MGAT4C: variants seen among roughly 807,000 people sequenced by gnomAD.
MGAT4C encodes alpha-1,3-mannosyl-glycoprotein 4-beta-N-acetylglucosaminyltransferase C.
MGAT4C carries 19 observed loss-of-function variants against 40.1 expected under a neutral mutation model. That is an observed-to-expected ratio of 0.47 (90% CI 0.33 to 0.70). The LOEUF (loss-of-function observed/expected upper bound fraction) is 0.70, where lower values mean the gene tolerates loss of function less well. Ranked by LOEUF, MGAT4C falls within the 30% of genes least tolerant of loss-of-function variation. The pLI, the probability that MGAT4C is intolerant of heterozygous loss-of-function variation, is 0.02. For missense variants in MGAT4C, 491 were observed against 563.2 expected (o/e 0.87, Z 1.30); for synonymous variants, 181 against 187.1 (o/e 0.97, Z 0.27).
At chr12:86,021,488 A>G (rs1889723349) in intron 2 of MGAT4C, among the ~76,000 whole-genome samples, 1 of 150,784 alleles carries the variant, frequency 6.6e-6, no homozygotes, top group South Asian at 2.1e-4. Flanking sequence ...TATTGCAAGG[A>G]CAAAAAACCA....
chr12:86,066,199 G>T (rs1894526479), intron 1 of MGAT4C, among the ~76,000 whole-genome samples: 1 of 152,062 alleles, frequency 6.6e-6, no homozygotes, highest in Admixed American at 6.6e-5. Context: ...CACAGAATCA[G>T]ACAAAACTAC....
intron 2 of MGAT4C, among the ~76,000 whole-genome samples, chr12:86,468,963 G>C (rs1245144105): frequency 6.6e-6 from 1 of 151,874 alleles, no homozygotes; most frequent in Non-Finnish European, 1.5e-5. Context: ...GCTTATCTTT[G>C]TTTTCATAAC....
In MGAT4C at chr12:85,971,711, G is replaced by T. The variant is rs1031325115; in HGVS notation, c.*7578C>A. 2 of 151,076 alleles carry T rather than the reference G, an allele frequency of 1.3e-5. No individual in the cohort carries two copies. Among genetic ancestry groups the T allele is most frequent in the African/African-American group, 4.8e-5 (2 of 41,314 alleles). The allele number at this position is 151,076 out of a possible 1,614,324, so 9.4% of individuals were successfully genotyped here. A position where few individuals can be genotyped will look rare whatever the true frequency, so the allele number is the denominator to read the frequency against. The stretch of plus-strand genomic sequence containing the variant: ...TGATTTGCTTGAATACAAGCAAGTC[G>T]AGCTATGGTAATTTGCAATGCTGAC... On this transcript the variant is annotated 3_prime_UTR_variant, in exon 5 of 5. Coordinates refer to ENST00000611864, the MANE Select transcript of MGAT4C (RefSeq NM_001351288.2).
chr12:85,988,503 G>A (rs763267674), intron 3 of MGAT4C, among the ~76,000 whole-genome samples: 8 of 151,846 alleles, frequency 5.3e-5, no homozygotes, highest in Non-Finnish European at 8.8e-5. Context: ...GTTCCTGTTA[G>A]TTGTAAAGGT....
intron 3 of MGAT4C, among the ~76,000 whole-genome samples, chr12:86,429,773 T>C (rs956398341): frequency 3.9e-5 from 6 of 152,180 alleles, no homozygotes; most frequent in African/African-American, 1.4e-4. Flanking sequence ...TGGGTTGAAT[T>C]TGATTGAAGA....
At chr12:86,655,563 A>G (rs1236298022) in intron 2 of MGAT4C, among the ~76,000 whole-genome samples, 1 of 152,038 alleles carries the variant, frequency 6.6e-6, no homozygotes, top group Non-Finnish European at 1.5e-5. Flanking sequence ...ATATTCAATG[A>G]AAAAAAATTT....
chr12:86,544,696 T>C lies in MGAT4C; in HGVS notation c.-228-109431A>G, dbSNP rs576482184. 2.0e-5 allele frequency among the ~76,000 whole-genome samples: 3 copies of C among 152,178 alleles called. No individual in the cohort carries two copies. The East Asian group carries it at 5.8e-4, about 29-fold the overall frequency. Reference sequence around the variant, plus strand: ...TAGCACTGCTTGGCCAATCAAATCATTGTACTGTGGAACAGGGAATGGCTT... The same window carrying C: ...TAGCACTGCTTGGCCAATCAAATCACTGTACTGTGGAACAGGGAATGGCTT... On this transcript the variant is annotated intron_variant, in intron 2 of 7. Coordinates refer to the MGAT4C transcript ENST00000548651.
chr12:85,962,463 CAAT>C lies in MGAT4C; in HGVS notation c.*16823_*16825del, dbSNP rs1467843129. On this transcript the variant is annotated 3_prime_UTR_variant, in exon 5 of 5. Coordinates refer to ENST00000611864, the MANE Select transcript of MGAT4C (RefSeq NM_001351288.2). ...AATTAATTATAAAATAAAATATTAA[CAAT>C]AATTGAACATTGTTTACTTTTTTAT... The C allele has an allele frequency of 6.8e-6, 1 of 147,376 alleles. No homozygotes were observed. Among genetic ancestry groups the C allele is most frequent in the African/African-American group, 2.5e-5 (1 of 40,596 alleles). The allele number at this position is 147,376 out of a possible 1,614,324, so 9.1% of individuals were successfully genotyped here. A position where few individuals can be genotyped will look rare whatever the true frequency, so the allele number is the denominator to read the frequency against.
chr12:85,991,999 C>T (rs1038300505), intron 2 of MGAT4C, among the ~76,000 whole-genome samples: 1 of 152,128 alleles, frequency 6.6e-6, no homozygotes, highest in Non-Finnish European at 1.5e-5. Context: ...GACAAAGGTG[C>T]CACTAGCAAC....
chr12:86,449,000 G>C (rs1957382094), intron 2 of MGAT4C, among the ~76,000 whole-genome samples: 1 of 152,114 alleles, frequency 6.6e-6, no homozygotes, highest in Admixed American at 6.6e-5. Flanking sequence ...CAGATGTTCA[G>C]CTATAAGCTT....
At chr12:86,531,613 A>G (rs559104799) in intron 2 of MGAT4C, among the ~76,000 whole-genome samples, 1 of 152,156 alleles carries the variant, frequency 6.6e-6, no homozygotes, top group African/African-American at 2.4e-5. Context: ...ACTTTTTTTC[A>G]GACTTTACAT....
intron 1 of MGAT4C, among the ~76,000 whole-genome samples, chr12:86,050,450 A>G (rs1892794912): frequency 6.6e-6 from 1 of 152,042 alleles, no homozygotes; most frequent in Non-Finnish European, 1.5e-5. Context: ...CTTATTTTGT[A>G]TTATCTTTTC....
At chr12:86,824,144 A>G (rs116399882) in intron 1 of MGAT4C, among the ~76,000 whole-genome samples, 12 of 151,360 alleles carry the variant, frequency 7.9e-5, no homozygotes, top group Non-Finnish European at 1.5e-4. Flanking sequence ...GCTGTCTCAG[A>G]TCATCTCAGT....
chr12:86,815,274 T>C (rs2136220948), intron 1 of MGAT4C, among the ~76,000 whole-genome samples: 1 of 151,944 alleles, frequency 6.6e-6, no homozygotes, highest in Non-Finnish European at 1.5e-5. Flanking sequence ...ATCAGGGAAA[T>C]GCAAATCAAA....
intron 2 of MGAT4C, among the ~76,000 whole-genome samples, chr12:86,482,100 ACAAG>A (rs1247777496): frequency 4.6e-5 from 7 of 150,662 alleles, no homozygotes; most frequent in Admixed American, 1.3e-4. Flanking sequence ...ACACACACAC[ACAAG>A]CAAGTCTTCT....
At chr12:86,560,422 C>T (rs1040550986) in intron 2 of MGAT4C, among the ~76,000 whole-genome samples, 1 of 149,818 alleles carries the variant, frequency 6.7e-6, no homozygotes, top group Non-Finnish European at 1.5e-5. Context: ...AATAACACAT[C>T]AAAAAAAAAT....
At chr12:86,798,908 C>T (rs562883920) in intron 1 of MGAT4C, among the ~76,000 whole-genome samples, 1 of 151,654 alleles carries the variant, frequency 6.6e-6, no homozygotes, top group Non-Finnish European at 1.5e-5. Context: ...GTAAGAGTTG[C>T]CATGTCTTAA....
At chr12:86,796,103 C>T (rs1054609478) in intron 1 of MGAT4C, among the ~76,000 whole-genome samples, 1 of 151,590 alleles carries the variant, frequency 6.6e-6, no homozygotes, top group Non-Finnish European at 1.5e-5. Context: ...AAGTTTCTAG[C>T]ACCTGAACTT....
intron 2 of MGAT4C, among the ~76,000 whole-genome samples, chr12:86,522,617 G>C (rs1466670034): frequency 6.6e-6 from 1 of 152,098 alleles, no homozygotes; most frequent in Non-Finnish European, 1.5e-5. Flanking sequence ...CTTATGGAAT[G>C]TGTTAAGGAA....
Sources: gnomAD v4.1 joint callset for allele counts (sites outside exome capture counted in the v4.1 genomes callset) on GRCh38, gnomAD v4.1.1 for gene constraint, MANE v1.5 for transcripts, NCBI Gene and HGNC (gene_info 2026-07-23, HGNC 2026-07-21) for gene names.